Variants in SEC31A observed in about 807,000 individuals in gnomAD.
The protein encoded by SEC31A is protein transport protein Sec31A.
In SEC31A, 70 loss-of-function variants were observed where a neutral mutation model predicts 151.0. The ratio of observed to expected loss-of-function variants is 0.46; its 90% CI spans 0.38 to 0.57. The LOEUF is 0.57. Ranked by LOEUF, SEC31A falls within the 20% of genes least tolerant of loss-of-function variation. The probability of loss-of-function intolerance (pLI) is 0.00; values close to 1 mark genes in which losing one functional copy is unlikely to be tolerated. For synonymous variants in SEC31A, 475 were observed against 505.9 expected (o/e 0.94, Z 0.82); for missense variants, 1,330 against 1,471.2 (o/e 0.90, Z 1.57).
In SEC31A at chr4:82,878,721, A is replaced by C. The variant is rs578096846; in HGVS notation, c.402+9T>G. ...TAGTCTAAGAATTATGAAATGTTAAAGTCTTAACCTGGAAAATGTTCACAT... is the reference window on the plus strand; with the variant it reads ...TAGTCTAAGAATTATGAAATGTTAACGTCTTAACCTGGAAAATGTTCACAT... On this transcript the variant is annotated intron_variant, in intron 4 of 26. Coordinates refer to ENST00000395310, the MANE Select transcript of SEC31A (RefSeq NM_001077207.4). The C allele has an allele frequency of 1.2e-6, 2 of 1,607,868 alleles. No individual in the cohort carries two copies. Among genetic ancestry groups the C allele is most frequent in the African/African-American group, 1.3e-5 (1 of 74,852 alleles).
chr4:82,847,331 T>C (rs996209171), intron 20 of SEC31A, among the ~76,000 whole-genome samples: 1 of 152,234 alleles, frequency 6.6e-6, no homozygotes, highest in African/African-American at 2.4e-5. Flanking sequence ...CTGTCCTCAT[T>C]CATTCAGTAC....
chr4:82,829,302 G>A (rs1167161740), intron 22 of SEC31A: 1 of 391,498 alleles, frequency 2.6e-6, no homozygotes, highest in Non-Finnish European at 4.6e-6. Flanking sequence ...TAAAGTAAAA[G>A]AGTGTGCTAA....
intron 1 of SEC31A, among the ~76,000 whole-genome samples, chr4:82,882,276 A>G (rs1032484589): frequency 6.6e-6 from 1 of 151,738 alleles, no homozygotes; most frequent in Admixed American, 6.6e-5. Flanking sequence ...GGTGGCGGGC[A>G]CCTGTAGTCC....
intron 1 of SEC31A, among the ~76,000 whole-genome samples, chr4:82,888,646 G>A (rs985867751): frequency 2.8e-4 from 42 of 151,426 alleles, no homozygotes; most frequent in African/African-American, 9.5e-4. Context: ...CCGAGATCGC[G>A]CCAATGTACT....
chr4:82,841,742 C>T (rs1268957441), intron 22 of SEC31A, among the ~76,000 whole-genome samples: 4 of 151,610 alleles, frequency 2.6e-5, no homozygotes, highest in African/African-American at 7.3e-5. Flanking sequence ...GAGGCCGAAG[C>T]GGGTGGATCA....
chr4:82,839,639 G>C (rs1002225640), intron 22 of SEC31A, among the ~76,000 whole-genome samples: 2 of 152,134 alleles, frequency 1.3e-5, no homozygotes, highest in African/African-American at 2.4e-5. Context: ...AATCCAAAAA[G>C]AAAATAAGAT....
intron 20 of SEC31A, among the ~76,000 whole-genome samples, chr4:82,846,023 G>A (rs944880289): frequency 6.6e-6 from 1 of 151,914 alleles, no homozygotes; most frequent in African/African-American, 2.4e-5. Flanking sequence ...TTTCCGAGAC[G>A]GAGTGGAGTC....
upstream of SEC31A, among the ~76,000 whole-genome samples, chr4:82,892,160 A>G (rs1377153940): frequency 6.6e-6 from 1 of 152,204 alleles, no homozygotes; most frequent in Non-Finnish European, 1.5e-5. Flanking sequence ...TAATGAACCC[A>G]ACTTTTACTG....
At chr4:82,896,941 C>T (rs184166162) in intron 3 of SEC31A, among the ~76,000 whole-genome samples, 165 of 152,204 alleles carry the variant, frequency 1.1e-3, no homozygotes, top group African/African-American at 3.9e-3. Context: ...CTGCTGCTTC[C>T]ACCCCCACCT....
chr4:82,863,521 T>G (rs959900423), intron 11 of SEC31A, 129 bp from the exon 12 acceptor site: 19 of 555,526 alleles, frequency 3.4e-5, no homozygotes, highest in Non-Finnish European at 5.1e-5. Context: ...GATTCACTGT[T>G]TGAAGGAATC....
chr4:82,855,133 G>A, intron 16 of SEC31A, 104 bp from the exon 17 acceptor site: 3 of 926,552 alleles, frequency 3.2e-6, no homozygotes, highest in Admixed American at 3.5e-5. Context: ...AAATGCAGCA[G>A]CAAAATGAAG....
At chr4:82,880,040 A>G (rs1738916018) in intron 3 of SEC31A, among the ~76,000 whole-genome samples, 1 of 152,122 alleles carries the variant, frequency 6.6e-6, no homozygotes, top group East Asian at 1.9e-4. Flanking sequence ...AAAATTAGCC[A>G]GGCATGGTGG....
intron 22 of SEC31A, chr4:82,831,188 T>A (rs1275360513): frequency 1.2e-5 from 2 of 160,468 alleles, no homozygotes; most frequent in South Asian, 1.6e-4. Context: ...TTATTTAAGT[T>A]GTTAGATCCA....
At position 82,856,989 on chromosome 4, in the gene SEC31A, T is replaced by G; in HGVS notation, c.1844A>C (p.Lys615Thr). 12 of 1,610,554 alleles carry G rather than the reference T, an allele frequency of 7.5e-6. No homozygotes were observed. The highest frequency in any genetic ancestry group is 9.3e-6 in the Non-Finnish European group (11 of 1,179,102). The change falls in exon 16 of 27, where the codon AAA becomes ACA. Residue 615 changes from lysine (K) to threonine (T), a missense_variant. Coordinates refer to ENST00000395310, the MANE Select transcript of SEC31A (RefSeq NM_001077207.4). ...GGQELLARTQ[K>T]KYFAKSQSKI... ...GCTTTGGGATTTTGCGAAGTATTTT[T>G]TCTGGGTTCGAGCCAAGAGTTCTTG...
intron 24 of SEC31A, among the ~76,000 whole-genome samples, chr4:82,825,722 T>C (rs918276880): frequency 1.3e-5 from 2 of 152,086 alleles, no homozygotes; most frequent in Non-Finnish European, 2.9e-5. Flanking sequence ...AAGGCCAAAT[T>C]AGAGATGGAT....
At chr4:82,848,603 ATC>A (rs1476343887) in intron 20 of SEC31A, among the ~76,000 whole-genome samples, 199 bp downstream of exon 20, 3 of 152,220 alleles carry the variant, frequency 2.0e-5, no homozygotes, top group Admixed American at 6.5e-5. Flanking sequence ...TTAAAATATA[ATC>A]TGTTTGACTA....
intron 24 of SEC31A, among the ~76,000 whole-genome samples, chr4:82,826,290 T>C (rs1002754764): frequency 1.3e-5 from 2 of 152,246 alleles, no homozygotes; most frequent in Admixed American, 6.5e-5. Context: ...TTTCTTCTCA[T>C]CTTTGTCAAA....
intron 22 of SEC31A, among the ~76,000 whole-genome samples, chr4:82,836,462 A>C (rs1727330120): frequency 6.6e-6 from 1 of 152,184 alleles, no homozygotes; most frequent in Admixed American, 6.5e-5. Context: ...ATTATTCACA[A>C]TAGACAAAGT....
intron 24 of SEC31A, 100 bp from the exon 25 acceptor site, chr4:82,824,774 C>T (rs1724157151): frequency 1.6e-6 from 2 of 1,276,420 alleles, no homozygotes; most frequent in Admixed American, 2.6e-5. Flanking sequence ...CAACCTTGTA[C>T]ATAGACCTAT....
Sources: gnomAD v4.1 joint callset for allele counts (sites outside exome capture counted in the v4.1 genomes callset) on GRCh38, gnomAD v4.1.1 for gene constraint, MANE v1.5 for transcripts, NCBI Gene and HGNC (gene_info 2026-07-23, HGNC 2026-07-21) for gene names.